Variants in ADRA1B observed in about 807,000 individuals in gnomAD.
ADRA1B encodes the protein alpha-1B adrenergic receptor.
A neutral mutation model predicts 17.9 loss-of-function variants in ADRA1B; 17 were observed. The observed-to-expected ratio is 0.95, with a 90% CI of 0.65 to 1.42. The LOEUF (loss-of-function observed/expected upper bound fraction) is 1.42. Ranked by LOEUF, ADRA1B falls within the 40% of genes most tolerant of loss-of-function variation. The pLI is 0.00. For synonymous variants in ADRA1B, 366 were observed against 327.6 expected (o/e 1.12, Z -1.27); for missense variants, 681 against 722.1 (o/e 0.94, Z 0.65).
rs1754032162 is a variant in ADRA1B, at chr5:159,895,494, A to G, written c.-255-20625A>G. On this transcript the variant is annotated intron_variant, in intron 1 of 2. Transcript: ENST00000641205. ...CCAAAGTTACACAGCTACTAGAGACAGAGACAGAATTCAAACCCAGGTTTC... is the reference window on the plus strand; with the variant it reads ...CCAAAGTTACACAGCTACTAGAGACGGAGACAGAATTCAAACCCAGGTTTC... Among the ~76,000 whole-genome samples, 6 of 152,246 alleles carry G rather than the reference A, an allele frequency of 3.9e-5. No homozygotes were observed. The South Asian group carries it at 1.2e-3, about 31-fold the overall frequency.
intron 1 of ADRA1B, among the ~76,000 whole-genome samples, chr5:159,873,585 C>T (rs1753772789): frequency 6.6e-6 from 1 of 152,204 alleles, no homozygotes; most frequent in Non-Finnish European, 1.5e-5. Flanking sequence ...TCCCCAAGTG[C>T]CGATCCCTAA....
chr5:159,888,177 T>A (rs1018229943), intron 1 of ADRA1B: 7 of 152,120 alleles, frequency 4.6e-5, no homozygotes, highest in African/African-American at 4.8e-5. Context: ...GAAACATTTT[T>A]TTTTGCAAAC....
intron 1 of ADRA1B, among the ~76,000 whole-genome samples, chr5:159,952,039 G>A (rs1755452035): frequency 6.6e-6 from 1 of 152,116 alleles, no homozygotes; most frequent in Non-Finnish European, 1.5e-5. Context: ...GGATTTGGCT[G>A]GGAAAATGAG....
At chr5:159,969,447 CA>C (rs1333798738) in intron 1 of ADRA1B, among the ~76,000 whole-genome samples, 3 of 152,184 alleles carry the variant, frequency 2.0e-5, no homozygotes, top group Non-Finnish European at 1.5e-5. Flanking sequence ...AGAAGAAATT[CA>C]AGAGCAATCC....
chr5:159,919,876 G>A (rs181626674), intron 1 of ADRA1B, among the ~76,000 whole-genome samples: 5 of 152,268 alleles, frequency 3.3e-5, no homozygotes, highest in Admixed American at 1.3e-4. Flanking sequence ...GGAAGAACAC[G>A]GCTCTGGTGA....
At chr5:159,984,889 A>G in the ADRA1B span, among the ~76,000 whole-genome samples, 4,637 of 150,160 alleles carry the variant, frequency 0.031, 124 homozygotes, top group East Asian at 0.14. Flanking sequence ...TAGGCAAAAG[A>G]GCAAAACTCT....
At chr5:159,892,271 G>A (rs1283821326) in intron 1 of ADRA1B, among the ~76,000 whole-genome samples, 1 of 152,138 alleles carries the variant, frequency 6.6e-6, no homozygotes, top group Non-Finnish European at 1.5e-5. Flanking sequence ...GAAGACTCTT[G>A]GTTTGTGCCA....
intron 1 of ADRA1B, among the ~76,000 whole-genome samples, chr5:159,891,087 T>A (rs547171631): frequency 2.6e-5 from 4 of 152,284 alleles, no homozygotes; most frequent in African/African-American, 4.8e-5. Context: ...GTAGCTATGC[T>A]CAGTGAGTTC....
chr5:159,871,781 A>C (rs1753744569), intron 1 of ADRA1B, among the ~76,000 whole-genome samples: 1 of 152,240 alleles, frequency 6.6e-6, no homozygotes, highest in Admixed American at 6.5e-5. Context: ...AGAGAATTTT[A>C]AAAGTAGATT....
At chr5:159,901,905 G>A (rs1331222029) in intron 1 of ADRA1B, among the ~76,000 whole-genome samples, 1 of 152,190 alleles carries the variant, frequency 6.6e-6, no homozygotes, top group Admixed American at 6.5e-5. Flanking sequence ...TGGTGGGATT[G>A]TAAAGTGGAA....
intron 1 of ADRA1B, among the ~76,000 whole-genome samples, chr5:159,898,791 T>C (rs1581023963): frequency 1.3e-5 from 2 of 152,214 alleles, no homozygotes; most frequent in South Asian, 2.1e-4. Flanking sequence ...AAATTTGAGC[T>C]ACTCACTTAA....
upstream of ADRA1B, among the ~76,000 whole-genome samples, chr5:159,912,039 G>A (rs1273230049): frequency 6.6e-6 from 1 of 152,124 alleles, no homozygotes; most frequent in African/African-American, 2.4e-5. Context: ...TTATCATTAG[G>A]ATTAAATGAG....
At chr5:159,913,258 C>T (rs888139598), upstream of ADRA1B, among the ~76,000 whole-genome samples, 4 of 152,036 alleles carry the variant, frequency 2.6e-5, no homozygotes, top group Non-Finnish European at 4.4e-5. Flanking sequence ...CAGGGAGTAC[C>T]GAGAAAATGA....
chr5:159,872,254 T>A (rs1174139375), intron 1 of ADRA1B, among the ~76,000 whole-genome samples: 1 of 152,220 alleles, frequency 6.6e-6, no homozygotes, highest in African/African-American at 2.4e-5. Context: ...ATGAGTGCTC[T>A]TGCTTGCAGA....
At chr5:159,898,974 T>A (rs1184295903) in intron 1 of ADRA1B, among the ~76,000 whole-genome samples, 1 of 151,868 alleles carries the variant, frequency 6.6e-6, no homozygotes, top group Non-Finnish European at 1.5e-5. Context: ...TGGGACCCCA[T>A]CTCTACAAAA....
chr5:159,885,529 T>C (rs1581019876), intron 1 of ADRA1B, among the ~76,000 whole-genome samples: 1 of 152,226 alleles, frequency 6.6e-6, no homozygotes, highest in East Asian at 1.9e-4. Flanking sequence ...TTCTTCTTCC[T>C]CTGGACACTA....
At chr5:159,960,890 C>T (rs1755653779) in intron 1 of ADRA1B, among the ~76,000 whole-genome samples, 1 of 152,164 alleles carries the variant, frequency 6.6e-6, no homozygotes, top group Non-Finnish European at 1.5e-5. Flanking sequence ...GTGCCTTTCA[C>T]GTGTCAGGCA....
chr5:159,912,472 C>T (rs754530878), upstream of ADRA1B, among the ~76,000 whole-genome samples: 1 of 152,236 alleles, frequency 6.6e-6, no homozygotes, highest in Admixed American at 6.6e-5. Flanking sequence ...GCTGGGGAAC[C>T]TTTACTCCCA....
chr5:159,911,884 TG>T (rs373248430), upstream of ADRA1B, among the ~76,000 whole-genome samples: 3 of 152,302 alleles, frequency 2.0e-5, no homozygotes, highest in African/African-American at 7.2e-5. Flanking sequence ...ATTCCTTTTT[TG>T]TGTTTAGCCT....
Sources: allele counts gnomAD v4.1 joint callset (sites outside exome capture counted in the v4.1 genomes callset), GRCh38; gene constraint gnomAD v4.1.1; transcripts MANE v1.5; gene names NCBI Gene and HGNC (gene_info 2026-07-23, HGNC 2026-07-21).